The following CLIC4 variants were observed in gnomAD, a reference collection of about 807,000 sequenced individuals.
CLIC4 encodes the protein chloride intracellular channel protein 4.
CLIC4 carries 13 observed loss-of-function variants against 24.6 expected under a neutral mutation model. The ratio of observed to expected loss-of-function variants is 0.53; its 90% confidence interval spans 0.34 to 0.84. The LOEUF (loss-of-function observed/expected upper bound fraction) is 0.84, where lower values mean the gene tolerates loss of function less well. Ranked by LOEUF, CLIC4 falls within the 40% of genes least tolerant of loss-of-function variation. CLIC4 has a pLI of 0.01. For missense variants in CLIC4, 227 were observed against 301.7 expected (o/e 0.75, Z 1.83); for synonymous variants, 104 against 111.3 (o/e 0.93, Z 0.41).
chr1:24,797,297 G>A (rs544445846), intron 1 of CLIC4, among the ~76,000 whole-genome samples: 1 of 151,754 alleles, frequency 6.6e-6, no homozygotes, highest in African/African-American at 2.4e-5. Flanking sequence ...GCGCTAGCTG[G>A]GTGCAGTGGC....
intron 4 of CLIC4, among the ~76,000 whole-genome samples, chr1:24,836,447 A>T (rs1487988036): frequency 2.0e-5 from 3 of 151,434 alleles, no homozygotes; most frequent in African/African-American, 7.3e-5. Flanking sequence ...ATTGATGGTA[A>T]AGCTGGGCCA....
intron 1 of CLIC4, among the ~76,000 whole-genome samples, chr1:24,773,513 G>C (rs1211510712): frequency 6.6e-6 from 1 of 151,522 alleles, no homozygotes; most frequent in Non-Finnish European, 1.5e-5. Context: ...GAAGACCCTG[G>C]CAGTTAGTGA....
chr1:24,775,754 T>C (rs929783392), intron 1 of CLIC4, among the ~76,000 whole-genome samples: 1 of 151,890 alleles, frequency 6.6e-6, no homozygotes, highest in African/African-American at 2.4e-5. Flanking sequence ...TGAACATAGT[T>C]ACCATAACTG....
intron 1 of CLIC4, among the ~76,000 whole-genome samples, chr1:24,785,884 A>AAAGAG (rs1639262542): frequency 6.6e-6 from 1 of 151,034 alleles, no homozygotes; most frequent in African/African-American, 2.4e-5. Context: ...AAAGAAAAGA[A>AAAGAG]AAAAAGAAAA....
intron 4 of CLIC4, among the ~76,000 whole-genome samples, chr1:24,836,957 C>T (rs1051902617): frequency 2.6e-5 from 4 of 152,252 alleles, no homozygotes; most frequent in Admixed American, 2.6e-4. Context: ...TACAGAATGT[C>T]TACATTTGTG....
At chr1:24,784,833 A>G (rs113182373) in intron 1 of CLIC4, among the ~76,000 whole-genome samples, 3,085 of 152,020 alleles carry the variant, frequency 0.02, 100 homozygotes, top group African/African-American at 0.071. Context: ...GTGAAACCCC[A>G]TCTCTATTAA....
chr1:24,799,164 G>C (rs1197643079), intron 2 of CLIC4, among the ~76,000 whole-genome samples: 1 of 151,116 alleles, frequency 6.6e-6, no homozygotes, highest in Non-Finnish European at 1.5e-5. Flanking sequence ...AGTGAGGAGC[G>C]TCTCCGCCTG....
intron 1 of CLIC4, among the ~76,000 whole-genome samples, chr1:24,785,382 A>G (rs1639255191): frequency 6.6e-6 from 1 of 152,196 alleles, no homozygotes; most frequent in South Asian, 2.1e-4. Flanking sequence ...CAAGTTTCAC[A>G]GATGTTAAGT....
intron 1 of CLIC4, among the ~76,000 whole-genome samples, chr1:24,795,610 G>T (rs1249469749): frequency 6.6e-6 from 1 of 152,058 alleles, no homozygotes; most frequent in East Asian, 1.9e-4. Flanking sequence ...TCACTTTGTC[G>T]CCCAGGCTGG....
chr1:24,776,416 C>T (rs1639141558), intron 1 of CLIC4, among the ~76,000 whole-genome samples: 1 of 152,162 alleles, frequency 6.6e-6, no homozygotes, highest in Non-Finnish European at 1.5e-5. Context: ...CCAGTGCCTT[C>T]AGGTGTTTTT....
At chr1:24,774,019 C>G (rs1411282198) in intron 1 of CLIC4, among the ~76,000 whole-genome samples, 1 of 152,160 alleles carries the variant, frequency 6.6e-6, no homozygotes, top group Non-Finnish European at 1.5e-5. Context: ...GTGGCCCTGG[C>G]TGGAGTGCAG....
intron 3 of CLIC4, among the ~76,000 whole-genome samples, chr1:24,817,469 G>A (rs1015032840): frequency 1.3e-5 from 2 of 152,162 alleles, no homozygotes; most frequent in South Asian, 2.1e-4. Flanking sequence ...ACCTCTCTCT[G>A]CCTTGATAGA....
intron 3 of CLIC4, among the ~76,000 whole-genome samples, chr1:24,821,425 C>T (rs865863591): frequency 2.6e-5 from 4 of 152,182 alleles, no homozygotes; most frequent in Middle Eastern, 6.8e-3. Flanking sequence ...AACATTGTAA[C>T]CAGAGATGGT....
intron 3 of CLIC4, among the ~76,000 whole-genome samples, chr1:24,826,338 G>A (rs1020459011): frequency 3.3e-5 from 5 of 152,128 alleles, no homozygotes; most frequent in African/African-American, 1.2e-4. Context: ...CGATTGATCC[G>A]CCTCCTTTTG....
chr1:24,769,864 C>CT (rs896691641), intron 1 of CLIC4, among the ~76,000 whole-genome samples: 110 of 144,406 alleles, frequency 7.6e-4, no homozygotes, highest in Middle Eastern at 7.2e-3. Flanking sequence ...ACTTGAATGT[C>CT]TTTTTTTTTT....
intron 2 of CLIC4, among the ~76,000 whole-genome samples, chr1:24,804,292 T>C (rs12121345): frequency 0.34 from 50,551 of 150,792 alleles, 8,825 homozygotes; most frequent in Middle Eastern, 0.5. Context: ...GTTAGAACAG[T>C]CCAATTCAAG....
At chr1:24,770,231 T>A (rs748115910) in intron 1 of CLIC4, among the ~76,000 whole-genome samples, 2 of 152,080 alleles carry the variant, frequency 1.3e-5, no homozygotes, top group South Asian at 4.1e-4. Context: ...TATACTAATT[T>A]GTTAATTATT....
intron 1 of CLIC4, among the ~76,000 whole-genome samples, chr1:24,775,019 C>T (rs756230610): frequency 3.4e-5 from 5 of 149,216 alleles, no homozygotes; most frequent in Middle Eastern, 6.9e-3. Context: ...TGCAGTGAGC[C>T]GAGATCACAC....
chr1:24,803,396 C>T (rs112124005), intron 2 of CLIC4, among the ~76,000 whole-genome samples: 2 of 152,262 alleles, frequency 1.3e-5, no homozygotes, highest in African/African-American at 4.8e-5. Context: ...TGTTACATGA[C>T]ATTTCATCCA....
Sources: gnomAD v4.1 joint callset for allele counts (sites outside exome capture counted in the v4.1 genomes callset) on GRCh38, gnomAD v4.1.1 for gene constraint, MANE v1.5 for transcripts, NCBI Gene and HGNC (gene_info 2026-07-23, HGNC 2026-07-21) for gene names.